Variants in TENM3 observed in about 807,000 individuals in gnomAD.
TENM3 encodes the protein teneurin-3.
A neutral mutation model predicts 255.1 loss-of-function variants in TENM3; 63 were observed. The ratio of observed to expected loss-of-function variants is 0.25; its 90% CI spans 0.20 to 0.30. The LOEUF (loss-of-function observed/expected upper bound fraction) is 0.30. Ranked by LOEUF, TENM3 falls within the 10% of genes least tolerant of loss-of-function variation. TENM3 has a pLI of 1.00. For synonymous variants in TENM3, 1,306 were observed against 1,322.3 expected, an observed-to-expected ratio of 0.99 and a Z score of 0.27; for missense variants, 2,929 against 3,461.1, an observed-to-expected ratio of 0.85 and a Z score of 3.86.
At chr4:182,658,367 T>C (rs73869806) in intron 6 of TENM3, among the ~76,000 whole-genome samples, 45 of 152,322 alleles carry the variant, frequency 3.0e-4, no homozygotes, top group African/African-American at 1.1e-3. Context: ...CTTGACAATA[T>C]AATCACTCTG....
chr4:182,133,048 G>T, the TENM3 span, among the ~76,000 whole-genome samples: 1 of 152,166 alleles, frequency 6.6e-6, no homozygotes, highest in Non-Finnish European at 1.5e-5. Context: ...AGGGAAAATA[G>T]GATGCAGACC....
the TENM3 span, among the ~76,000 whole-genome samples, chr4:182,066,600 ATAT>A: frequency 0.56 from 66,801 of 118,356 alleles, 16,583 homozygotes; most frequent in East Asian, 0.87. Flanking sequence ...TAAAAAAAAA[ATAT>A]ATATATATAT....
chr4:182,241,747 T>C (rs549931532), upstream of TENM3, among the ~76,000 whole-genome samples: 15 of 152,124 alleles, frequency 9.9e-5, no homozygotes, highest in South Asian at 1.2e-3. Context: ...GACCTCGTGA[T>C]CCACCTGCCT....
chr4:181,641,407 C>G, the TENM3 span, among the ~76,000 whole-genome samples: 1 of 150,886 alleles, frequency 6.6e-6, no homozygotes, highest in African/African-American at 2.4e-5. Flanking sequence ...TTGTTCAGCT[C>G]CCACTTATGA....
chr4:181,553,343 C>G, the TENM3 span, among the ~76,000 whole-genome samples: 1 of 151,024 alleles, frequency 6.6e-6, no homozygotes, highest in Non-Finnish European at 1.5e-5. Context: ...TATACACACA[C>G]ACACACACAT....
the TENM3 span, among the ~76,000 whole-genome samples, chr4:181,643,261 T>C: frequency 6.6e-6 from 1 of 152,202 alleles, no homozygotes; most frequent in South Asian, 2.1e-4. Flanking sequence ...GGTATTTTAT[T>C]CTCTTTGTAG....
At chr4:181,830,592 C>A in the TENM3 span, among the ~76,000 whole-genome samples, 2 of 152,092 alleles carry the variant, frequency 1.3e-5, no homozygotes, top group African/African-American at 4.8e-5. Context: ...TTCTTCTGCT[C>A]GGTCTCTCTA....
intron 1 of TENM3, among the ~76,000 whole-genome samples, chr4:182,264,177 G>T (rs1246147040): frequency 6.6e-6 from 1 of 152,216 alleles, no homozygotes; most frequent in Non-Finnish European, 1.5e-5. Flanking sequence ...AGAATTCTAA[G>T]GCTAGTCTTA....
At chr4:181,748,387 C>T in the TENM3 span, among the ~76,000 whole-genome samples, 3 of 152,120 alleles carry the variant, frequency 2.0e-5, no homozygotes, top group South Asian at 6.2e-4. Context: ...AGTACACACA[C>T]CTATACATAG....
At chr4:182,685,902 T>C (rs367757826) in intron 11 of TENM3, among the ~76,000 whole-genome samples, 3 of 152,212 alleles carry the variant, frequency 2.0e-5, no homozygotes, top group Non-Finnish European at 2.9e-5. Flanking sequence ...TTCAGCCCTC[T>C]TCATAAAATG....
the TENM3 span, among the ~76,000 whole-genome samples, chr4:181,663,055 G>T: frequency 1.3e-3 from 195 of 152,176 alleles, no homozygotes; most frequent in African/African-American, 4.6e-3. Flanking sequence ...CCTGGTCTCC[G>T]TTTTTGTGTT....
At chr4:182,540,999 T>C (rs1740829880) in intron 3 of TENM3, among the ~76,000 whole-genome samples, 1 of 152,122 alleles carries the variant, frequency 6.6e-6, no homozygotes, top group South Asian at 2.1e-4. Context: ...CCTGGCACAG[T>C]TTTAAACACT....
At chr4:182,577,083 C>T (rs1166496988) in intron 3 of TENM3, among the ~76,000 whole-genome samples, 2 of 152,200 alleles carry the variant, frequency 1.3e-5, no homozygotes, top group Admixed American at 6.5e-5. Flanking sequence ...TAGCCTCTTT[C>T]GGTCGTCCTG....
At chr4:181,578,437 C>T in the TENM3 span, among the ~76,000 whole-genome samples, 9 of 152,128 alleles carry the variant, frequency 5.9e-5, no homozygotes, top group African/African-American at 9.7e-5. Flanking sequence ...GGAGGAATAG[C>T]GGCCAGGGTC....
chr4:182,430,914 A>T (rs1292610458), intron 3 of TENM3, among the ~76,000 whole-genome samples: 1 of 152,128 alleles, frequency 6.6e-6, no homozygotes, highest in Admixed American at 6.5e-5. Context: ...CGGGAGGCTA[A>T]GATAGGAGAA....
chr4:181,993,591 T>C, the TENM3 span, among the ~76,000 whole-genome samples: 1 of 152,136 alleles, frequency 6.6e-6, no homozygotes, highest in East Asian at 1.9e-4. Flanking sequence ...TTCATAAGAA[T>C]TACCATGAAT....
chr4:182,308,430 C>A (rs1157767914), intron 1 of TENM3, among the ~76,000 whole-genome samples: 1 of 152,082 alleles, frequency 6.6e-6, no homozygotes, highest in African/African-American at 2.4e-5. Context: ...GATCCTTCCA[C>A]CCCAGCCTTC....
At chr4:181,917,180 G>A in the TENM3 span, among the ~76,000 whole-genome samples, 11 of 152,238 alleles carry the variant, frequency 7.2e-5, no homozygotes, top group East Asian at 1.9e-3. Flanking sequence ...CCCAACATTC[G>A]TGGAGCTTAC....
At chr4:181,623,212 A>G in the TENM3 span, among the ~76,000 whole-genome samples, 48 of 152,354 alleles carry the variant, frequency 3.2e-4, no homozygotes, top group Admixed American at 2.8e-3. Flanking sequence ...GTGCGACATT[A>G]GATAAGTTAC....
Sources: gnomAD v4.1 joint callset for allele counts (sites outside exome capture counted in the v4.1 genomes callset) on GRCh38, gnomAD v4.1.1 for gene constraint, MANE v1.5 for transcripts, NCBI Gene and HGNC (gene_info 2026-07-23, HGNC 2026-07-21) for gene names.